The following DRC11 variants were observed in gnomAD, a reference collection of about 807,000 sequenced individuals.
The protein encoded by DRC11 is IQ and AAA domain-containing protein 1.
chr2:236,378,606 C>A, the DRC11 span, among the ~76,000 whole-genome samples: 3 of 150,230 alleles, frequency 2.0e-5, no homozygotes, highest in African/African-American at 7.4e-5. Context: ...ACACCAGAGG[C>A]ACAGGTTGCA....
chr2:236,503,563 C>A, the DRC11 span: 1 of 1,403,764 alleles, frequency 7.1e-7, no homozygotes, highest in Non-Finnish European at 9.9e-7. The surrounding 1 kb of genome is among the most constrained non-coding windows in gnomAD (Gnocchi z 4.9). Flanking sequence ...TGGGGGAGAC[C>A]AGGCAAAGAT....
At chr2:236,503,252 G>C in the DRC11 span, among the ~76,000 whole-genome samples, 1 of 152,166 alleles carries the variant, frequency 6.6e-6, no homozygotes, top group Non-Finnish European at 1.5e-5. The surrounding 1 kb of genome is among the most constrained non-coding windows in gnomAD (Gnocchi z 4.9). Flanking sequence ...AGAGATCTCG[G>C]GTTGAAGAGG....
the DRC11 span, among the ~76,000 whole-genome samples, chr2:236,447,505 A>G: frequency 2.0e-3 from 295 of 148,052 alleles, 2 homozygotes; most frequent in Non-Finnish European, 3.3e-3. The surrounding 1 kb of genome is among the most constrained non-coding windows in gnomAD (Gnocchi z 4.6). Flanking sequence ...TTACGTTTTA[A>G]GAGGATCACT....
chr2:236,493,988 G>T, the DRC11 span: 1 of 956,546 alleles, frequency 1.0e-6, no homozygotes, highest in Non-Finnish European at 1.4e-6. Context: ...AAAGACGCTT[G>T]CTTTACTTCC....
At chr2:236,341,958 C>T in the DRC11 span, among the ~76,000 whole-genome samples, 70 of 152,304 alleles carry the variant, frequency 4.6e-4, no homozygotes, top group Non-Finnish European at 6.5e-4. Flanking sequence ...CCACCGCCAC[C>T]GGGGTCCTCC....
the DRC11 span, among the ~76,000 whole-genome samples, chr2:236,381,214 C>A: frequency 4.6e-5 from 7 of 152,334 alleles, no homozygotes; most frequent in Admixed American, 3.9e-4. This position sits in a 1 kb window ranked among gnomAD's most constrained non-coding sequence, Gnocchi z 5.8. Context: ...TCACCAGACA[C>A]AAAATCACCA....
chr2:236,347,508 C>CTCTATATATATACATATATATATATATA, the DRC11 span, among the ~76,000 whole-genome samples: 1 of 107,494 alleles, frequency 9.3e-6, no homozygotes, highest in Non-Finnish European at 2.2e-5. Context: ...AAAAACTGTG[C>CTCTATATATATACATATATATATATATA]TATATATATA....
At chr2:236,354,115 G>A in the DRC11 span, among the ~76,000 whole-genome samples, 5 of 152,148 alleles carry the variant, frequency 3.3e-5, no homozygotes, top group East Asian at 9.7e-4. Context: ...GAACTAGAGA[G>A]GAGCTGGGAT....
the DRC11 span, among the ~76,000 whole-genome samples, chr2:236,442,313 G>A: frequency 6.6e-6 from 1 of 152,072 alleles, no homozygotes; most frequent in Non-Finnish European, 1.5e-5. Context: ...GCAATTAACC[G>A]GATGCTTATA....
chr2:236,427,929 T>G, the DRC11 span, among the ~76,000 whole-genome samples: 1 of 152,164 alleles, frequency 6.6e-6, no homozygotes, highest in Non-Finnish European at 1.5e-5. This position sits in a 1 kb window ranked among gnomAD's most constrained non-coding sequence, Gnocchi z 5.9. Flanking sequence ...TAGTATGTTG[T>G]GTTTCCATTT....
chr2:236,392,754 G>A, the DRC11 span, among the ~76,000 whole-genome samples: 26 of 152,058 alleles, frequency 1.7e-4, no homozygotes, highest in Middle Eastern at 6.8e-3. This position sits in a 1 kb window ranked among gnomAD's most constrained non-coding sequence, Gnocchi z 5.1. Flanking sequence ...ACTAAAATAC[G>A]AAAGATTTTG....
the DRC11 span, among the ~76,000 whole-genome samples, chr2:236,333,844 G>A: frequency 6.6e-6 from 1 of 152,172 alleles, no homozygotes; most frequent in Admixed American, 6.5e-5. This position sits in a 1 kb window ranked among gnomAD's most constrained non-coding sequence, Gnocchi z 6.0. Flanking sequence ...TACTGGGAAA[G>A]GGTGAACTGT....
the DRC11 span, among the ~76,000 whole-genome samples, chr2:236,486,600 T>C: frequency 6.6e-6 from 1 of 152,212 alleles, no homozygotes; most frequent in African/African-American, 2.4e-5. The surrounding 1 kb of genome is among the most constrained non-coding windows in gnomAD (Gnocchi z 5.7). Context: ...TCCTAGCCTG[T>C]TTCCACATCT....
At chr2:236,380,692 T>A in the DRC11 span, 1 of 1,301,524 alleles carries the variant, frequency 7.7e-7, no homozygotes, top group Admixed American at 2.0e-5. The surrounding 1 kb of genome is among the most constrained non-coding windows in gnomAD (Gnocchi z 4.9). Context: ...AGCAAATAAG[T>A]CCTAGAAATT....
the DRC11 span, among the ~76,000 whole-genome samples, chr2:236,398,813 T>C: frequency 5.9e-5 from 9 of 152,304 alleles, no homozygotes; most frequent in Non-Finnish European, 1.3e-4. This position sits in a 1 kb window ranked among gnomAD's most constrained non-coding sequence, Gnocchi z 6.2. Context: ...TGACTACACA[T>C]ACAGTATCAA....
At chr2:236,409,374 T>G in the DRC11 span, among the ~76,000 whole-genome samples, 1 of 152,144 alleles carries the variant, frequency 6.6e-6, no homozygotes, top group Admixed American at 6.5e-5. Flanking sequence ...GAAGCAATTG[T>G]GAATGGGAGT....
the DRC11 span, among the ~76,000 whole-genome samples, chr2:236,495,485 C>A: frequency 6.6e-6 from 1 of 152,198 alleles, no homozygotes; most frequent in African/African-American, 2.4e-5. This position sits in a 1 kb window ranked among gnomAD's most constrained non-coding sequence, Gnocchi z 5.6. Context: ...GTTTCTCATT[C>A]CCTATGGAGT....
the DRC11 span, among the ~76,000 whole-genome samples, chr2:236,500,886 CAG>C: frequency 2.6e-5 from 4 of 152,100 alleles, no homozygotes; most frequent in African/African-American, 9.7e-5. The surrounding 1 kb of genome is among the most constrained non-coding windows in gnomAD (Gnocchi z 6.3). Flanking sequence ...TTAGTAGAGA[CAG>C]AGTTTCTCCA....
chr2:236,399,288 C>T, the DRC11 span: 1 of 838,076 alleles, frequency 1.2e-6, no homozygotes, highest in Non-Finnish European at 2.0e-6. This position sits in a 1 kb window ranked among gnomAD's most constrained non-coding sequence, Gnocchi z 7.0. Flanking sequence ...CCTCGCCTGG[C>T]CAGGAAATTT....
Sources: allele counts gnomAD v4.1 joint callset (sites outside exome capture counted in the v4.1 genomes callset), GRCh38; gene constraint gnomAD v4.1.1; non-coding constraint Gnocchi (gnomAD v3.1); transcripts MANE v1.5; gene names NCBI Gene and HGNC (gene_info 2026-07-23, HGNC 2026-07-21).